Variants in HMGCLL1 observed in about 807,000 individuals in gnomAD.
HMGCLL1 encodes 3-hydroxy-3-methylglutaryl-CoA lyase like 1.
Under a neutral mutation model 39.1 loss-of-function variants are expected in HMGCLL1, and 36 were observed. The observed-to-expected ratio is 0.92, with a 90% CI of 0.71 to 1.22. The LOEUF (loss-of-function observed/expected upper bound fraction) is 1.22, where lower values mean the gene tolerates loss of function less well. Among genes scored for constraint, HMGCLL1 ranks in the 50% most tolerant of loss-of-function variants. The probability of loss-of-function intolerance (pLI) is 0.00; values close to 1 mark genes in which losing one functional copy is unlikely to be tolerated. For synonymous variants in HMGCLL1, 149 were observed against 144.0 expected (o/e 1.03, Z -0.25); for missense variants, 451 against 416.5 (o/e 1.08, Z -0.72).
chr6:55,640,299 A>G, the HMGCLL1 span, among the ~76,000 whole-genome samples: 1 of 152,146 alleles, frequency 6.6e-6, no homozygotes, highest in Non-Finnish European at 1.5e-5. Flanking sequence ...TAACAGGATA[A>G]CAAGTAAATG....
At chr6:55,630,674 C>T in the HMGCLL1 span, among the ~76,000 whole-genome samples, 1 of 151,960 alleles carries the variant, frequency 6.6e-6, no homozygotes. Flanking sequence ...GGGGGCAGGT[C>T]TTTCCATGCT....
intron 3 of HMGCLL1, among the ~76,000 whole-genome samples, chr6:55,521,302 C>T (rs891501118): frequency 2.0e-5 from 3 of 152,054 alleles, no homozygotes; most frequent in Non-Finnish European, 4.4e-5. Context: ...AAGAGTTTCT[C>T]AAAAACTTCT....
At chr6:55,555,020 T>A (rs1278561289) in intron 1 of HMGCLL1, among the ~76,000 whole-genome samples, 1 of 152,220 alleles carries the variant, frequency 6.6e-6, no homozygotes, top group Non-Finnish European at 1.5e-5. Flanking sequence ...CCTAATACTT[T>A]GAAAACATCA....
chr6:55,665,308 T>C, the HMGCLL1 span, among the ~76,000 whole-genome samples: 1 of 151,834 alleles, frequency 6.6e-6, no homozygotes, highest in South Asian at 2.1e-4. Flanking sequence ...TAATAGATAA[T>C]CAAGTTATGT....
At chr6:55,497,216 C>A (rs1286565178) in intron 6 of HMGCLL1, among the ~76,000 whole-genome samples, 1 of 152,002 alleles carries the variant, frequency 6.6e-6, no homozygotes, top group East Asian at 1.9e-4. Context: ...TCATGTGACA[C>A]TGGGCAGAAG....
intron 1 of HMGCLL1, among the ~76,000 whole-genome samples, chr6:55,573,767 A>T (rs950220513): frequency 1.3e-5 from 2 of 152,130 alleles, no homozygotes; most frequent in African/African-American, 4.8e-5. Flanking sequence ...AGAAACAAAC[A>T]ACATTCGAAG....
chr6:55,645,700 G>T, the HMGCLL1 span, among the ~76,000 whole-genome samples: 1 of 151,772 alleles, frequency 6.6e-6, no homozygotes. Flanking sequence ...TGATTCCGTT[G>T]ATTGATTTGC....
At chr6:55,468,494 A>G (rs1219528372) in intron 7 of HMGCLL1, among the ~76,000 whole-genome samples, 1 of 151,942 alleles carries the variant, frequency 6.6e-6, no homozygotes, top group East Asian at 1.9e-4. Context: ...TTCTAGTGGA[A>G]AGGTAGAATG....
chr6:55,463,087 G>A (rs1764650632), intron 7 of HMGCLL1, among the ~76,000 whole-genome samples: 1 of 148,394 alleles, frequency 6.7e-6, no homozygotes, highest in Admixed American at 6.8e-5. Context: ...CTGGAGTGCA[G>A]TAGCGCAATC....
chr6:55,602,595 TTAAA>T, the HMGCLL1 span, among the ~76,000 whole-genome samples: 1 of 151,966 alleles, frequency 6.6e-6, no homozygotes, highest in African/African-American at 2.4e-5. Flanking sequence ...AGAATTCTAT[TTAAA>T]TAAGTAGCAG....
intron 5 of HMGCLL1, among the ~76,000 whole-genome samples, chr6:55,509,092 TAAAC>T (rs1176476851): frequency 1.3e-5 from 2 of 151,880 alleles, no homozygotes; most frequent in Non-Finnish European, 2.9e-5. Context: ...TACAAACCCT[TAAAC>T]AAACCATATG....
At chr6:55,458,212 T>C (rs1306857642) in intron 7 of HMGCLL1, among the ~76,000 whole-genome samples, 1 of 152,186 alleles carries the variant, frequency 6.6e-6, no homozygotes, top group South Asian at 2.1e-4. Context: ...CAAGTATTCA[T>C]CATATCATTG....
chr6:55,550,859 A>G (rs940196560), intron 1 of HMGCLL1, among the ~76,000 whole-genome samples: 6 of 151,698 alleles, frequency 4.0e-5, no homozygotes, highest in African/African-American at 1.5e-4. Flanking sequence ...AAATCTTACA[A>G]TGCACAAGAC....
intron 1 of HMGCLL1, chr6:55,577,256 A>G (rs1771806449): frequency 3.4e-6 from 5 of 1,482,244 alleles, no homozygotes; most frequent in Middle Eastern, 1.7e-4. Context: ...TCACAATTCA[A>G]CAGTATTGGA....
the HMGCLL1 span, among the ~76,000 whole-genome samples, chr6:55,591,124 A>T: frequency 6.6e-6 from 1 of 151,934 alleles, no homozygotes; most frequent in Non-Finnish European, 1.5e-5. Flanking sequence ...AGCGAAAGAA[A>T]CCCTTGCTCA....
At chr6:55,615,464 G>T in the HMGCLL1 span, among the ~76,000 whole-genome samples, 2 of 152,154 alleles carry the variant, frequency 1.3e-5, no homozygotes, top group African/African-American at 4.8e-5. Flanking sequence ...CAGGTGGAGT[G>T]TAAAGGGAAA....
upstream of HMGCLL1, among the ~76,000 whole-genome samples, chr6:55,580,113 T>C (rs1425516015): frequency 6.6e-6 from 1 of 151,800 alleles, no homozygotes; most frequent in African/African-American, 2.4e-5. Context: ...GGAGCAAATG[T>C]AAACCAGGAG....
At chr6:55,586,004 A>C in the HMGCLL1 span, among the ~76,000 whole-genome samples, 1 of 152,144 alleles carries the variant, frequency 6.6e-6, no homozygotes, top group Admixed American at 6.6e-5. Context: ...ACATTATAGT[A>C]GAATTTGCAT....
the HMGCLL1 span, among the ~76,000 whole-genome samples, chr6:55,671,853 A>C: frequency 7.4e-4 from 113 of 151,990 alleles, 1 homozygote; most frequent in East Asian, 0.018. Context: ...TAGTGTAATG[A>C]AACATATTAT....
Sources: gnomAD v4.1 joint callset for allele counts (sites outside exome capture counted in the v4.1 genomes callset) on GRCh38, gnomAD v4.1.1 for gene constraint, MANE v1.5 for transcripts, NCBI Gene and HGNC (gene_info 2026-07-23, HGNC 2026-07-21) for gene names.